TNFRSF13B: variants seen among roughly 807,000 people sequenced by gnomAD.
TNFRSF13B encodes the protein TNF receptor superfamily member 13B, also known as tumor necrosis factor receptor superfamily member 13B.
A neutral mutation model predicts 24.0 loss-of-function variants in TNFRSF13B; 34 were observed. That is an observed-to-expected ratio of 1.41 (90% CI 1.08 to 1.88). TNFRSF13B has a LOEUF of 1.88. Among genes scored for constraint, TNFRSF13B ranks in the 40% most tolerant of loss-of-function variants. TNFRSF13B has a pLI of 0.00. For synonymous variants in TNFRSF13B, 173 were observed against 150.3 expected, an observed-to-expected ratio of 1.15 and a Z score of -1.10; for missense variants, 415 against 380.8, an observed-to-expected ratio of 1.09 and a Z score of -0.75.
chr17:16,945,243 C>T (rs772616487), intron 3 of TNFRSF13B, among the ~76,000 whole-genome samples: 6 of 152,230 alleles, frequency 3.9e-5, no homozygotes, highest in Non-Finnish European at 8.8e-5. Flanking sequence ...CAGCCTTGGG[C>T]TCCATCCCTG....
chr17:16,952,431 G>A lies in TNFRSF13B; in HGVS notation c.199+15C>T, dbSNP rs1275049813. 6.2e-7 allele frequency: 1 copy of A among 1,614,014 alleles called. No individual in the cohort carries two copies. Reference sequence around the variant, plus strand: ...GTGATCACACTGTCCCCTCGGCTCAGGCCCCAGAACTCACTGCAGAAGGCT... The same window carrying A: ...GTGATCACACTGTCCCCTCGGCTCAAGCCCCAGAACTCACTGCAGAAGGCT... On this transcript the variant is annotated intron_variant, in intron 2 of 4. Transcript: ENST00000261652.
chr17:16,957,521 A>G (rs1263580451), intron 1 of TNFRSF13B, among the ~76,000 whole-genome samples: 2 of 152,098 alleles, frequency 1.3e-5, no homozygotes, highest in Non-Finnish European at 2.9e-5. Context: ...GATGCAGGAA[A>G]ACCTCAAAGA....
chr17:16,945,803 C>A (rs1276952492), intron 3 of TNFRSF13B, among the ~76,000 whole-genome samples: 1 of 152,174 alleles, frequency 6.6e-6, no homozygotes, highest in Non-Finnish European at 1.5e-5. Context: ...AGGTTTCCCC[C>A]CTCCCCCAGC....
At chr17:16,943,086 G>T (rs1567650569) in intron 3 of TNFRSF13B, among the ~76,000 whole-genome samples, 1 of 152,198 alleles carries the variant, frequency 6.6e-6, no homozygotes, top group Non-Finnish European at 1.5e-5. Flanking sequence ...TCAGAGTCAA[G>T]CCTCCAATGG....
chr17:16,961,649 A>G (rs1034871706), intron 1 of TNFRSF13B, among the ~76,000 whole-genome samples: 31 of 152,192 alleles, frequency 2.0e-4, no homozygotes, highest in Non-Finnish European at 1.5e-4. Context: ...GGATATAGAT[A>G]GTGGTGCTTG....
At chr17:16,946,242 C>T (rs1597659918) in intron 3 of TNFRSF13B, among the ~76,000 whole-genome samples, 1 of 152,326 alleles carries the variant, frequency 6.6e-6, no homozygotes, top group Non-Finnish European at 1.5e-5. Flanking sequence ...GGGACCTGGC[C>T]TCATGGAAAT....
intron 1 of TNFRSF13B, among the ~76,000 whole-genome samples, chr17:16,952,793 C>T (rs2087599314): frequency 6.6e-6 from 1 of 152,232 alleles, no homozygotes; most frequent in African/African-American, 2.4e-5. Context: ...GCCTCAGTTT[C>T]CCCATCTGCA....
At chr17:16,964,498 ACACCC>A (rs1462257204) in intron 1 of TNFRSF13B, among the ~76,000 whole-genome samples, 2 of 151,876 alleles carry the variant, frequency 1.3e-5, no homozygotes, top group Non-Finnish European at 2.9e-5. Flanking sequence ...GTGTGCCCCT[ACACCC>A]GGCTAATTTT....
intron 1 of TNFRSF13B, among the ~76,000 whole-genome samples, chr17:16,964,085 A>G (rs1337328948): frequency 6.6e-6 from 1 of 152,046 alleles, no homozygotes; most frequent in Non-Finnish European, 1.5e-5. Context: ...GGAGGAAAAG[A>G]AGGATGAGGA....
chr17:16,939,356 C>T lies in TNFRSF13B; in HGVS notation c.*191G>A, dbSNP rs2087488515. ...GTCTCTTTCCTTCTCTGCCTCTTTC[C>T]CTCTCTGCCTCTCTTCCCCTCTGTC... On this transcript the variant is annotated 3_prime_UTR_variant, in exon 5 of 5. Transcript: ENST00000261652. 1 of 638,674 alleles carries T rather than the reference C, an allele frequency of 1.6e-6. No homozygotes were observed. Among genetic ancestry groups the T allele is most frequent in the South Asian group, 2.7e-5 (1 of 37,640 alleles). The allele number at this position is 638,674 out of a possible 1,614,324, so 39.6% of individuals were successfully genotyped here. A position where few individuals can be genotyped will look rare whatever the true frequency, so the allele number is the denominator to read the frequency against.
chr17:16,970,654 G>T (rs1384538319), intron 1 of TNFRSF13B, among the ~76,000 whole-genome samples: 1 of 151,264 alleles, frequency 6.6e-6, no homozygotes, highest in Admixed American at 6.6e-5. Flanking sequence ...GCTCAGCCAA[G>T]GTCCCAGAGT....
Position 16,951,936 on chromosome 17 carries a change from A to G in TNFRSF13B, c.199+510T>C, listed in dbSNP as rs372316452. Among the ~76,000 whole-genome samples the G allele has an allele frequency of 5.0e-4, 76 of 152,282 alleles. 1 individual carries two copies. Among genetic ancestry groups the G allele is most frequent in the African/African-American group, 1.8e-3 (75 of 41,570 alleles). Reference sequence around the variant, plus strand: ...AAATAAAATAAATAAAATAAAATACACAAGTCAAAAAAATTGGTTGGGAAA... The same window carrying G: ...AAATAAAATAAATAAAATAAAATACGCAAGTCAAAAAAATTGGTTGGGAAA... On this transcript the variant is annotated intron_variant, in intron 2 of 4. Coordinates refer to ENST00000261652, the MANE Select transcript of TNFRSF13B (RefSeq NM_012452.3).
chr17:16,956,164 A>G (rs1192116546), intron 1 of TNFRSF13B, among the ~76,000 whole-genome samples: 5 of 152,256 alleles, frequency 3.3e-5, no homozygotes, highest in Non-Finnish European at 5.9e-5. Context: ...ACACACAACA[A>G]GGAATACATA....
At position 16,968,541 on chromosome 17, in the gene TNFRSF13B, C is replaced by T. The variant is rs900033321; in HGVS notation, c.61+3474G>A. 2.6e-5 allele frequency among the ~76,000 whole-genome samples: 4 copies of T among 152,276 alleles called. No individual in the cohort carries two copies. The East Asian group carries it at 5.8e-4, about 22-fold the overall frequency. ...AGAATGAATTTGGACCATTATCTCA[C>T]ACCACACACAAACATTAACTCAAAG... On this transcript the variant is annotated intron_variant, in intron 1 of 4. Coordinates refer to ENST00000261652, the MANE Select transcript of TNFRSF13B (RefSeq NM_012452.3).
rs149053915 is a variant in TNFRSF13B at position 16,963,544 on chromosome 17, T to C, written c.61+8471A>G. Among the ~76,000 whole-genome samples, 386 of 151,934 alleles carry C rather than the reference T, an allele frequency of 2.5e-3. 2 individuals are homozygous for C. The highest frequency in any genetic ancestry group is 9.1e-3 in the African/African-American group (374 of 41,254). ...TCTTATCAAGTTTTGTTTTTGTTTT[T>C]GTTTTTGTTTTTTTGGTTTTTTCGA... On this transcript the variant is annotated intron_variant, in intron 1 of 4. Coordinates refer to ENST00000261652, the MANE Select transcript of TNFRSF13B (RefSeq NM_012452.3).
chr17:16,940,729 A>G lies in TNFRSF13B; in HGVS notation c.446-218T>C, dbSNP rs946809602. ...TGGCAGCAACTTTCTAAGGCCTCAA[A>G]GCTGGAAACGTGAGCTAGGCCTTCT... On this transcript the variant is annotated intron_variant, in intron 3 of 4. Transcript: ENST00000261652. 2.1e-6 allele frequency: 3 copies of G among 1,441,528 alleles called. No individual in the cohort carries two copies. The African/African-American group carries it at 4.3e-5, about 21-fold the overall frequency. 89.3% of individuals were successfully genotyped at this position (1,441,528 alleles called of 1,614,324 possible).
chr17:16,940,516 A>C lies in TNFRSF13B; in HGVS notation c.446-5T>G, dbSNP rs769761979. 2.5e-6 allele frequency: 4 copies of C among 1,613,014 alleles called. No homozygotes were observed. The highest frequency in any genetic ancestry group is 3.4e-6 in the Non-Finnish European group (4 of 1,179,878). Reference sequence around the variant, plus strand: ...TCAGCTTCAGCCCCGGGAGAGCTGCAAGACAGCATGAGACCCCTCTCTGCA... The same window carrying C: ...TCAGCTTCAGCCCCGGGAGAGCTGCCAGACAGCATGAGACCCCTCTCTGCA... On this transcript the variant is annotated splice_region_variant and splice_polypyrimidine_tract_variant and intron_variant, in intron 3 of 4. Transcript: ENST00000261652.
Position 16,971,960 on chromosome 17 carries a change from C to T in TNFRSF13B, c.61+55G>A, listed in dbSNP as rs374799515. The stretch of plus-strand genomic sequence containing the variant: ...CTTGCAACCCCCACGGCACTCAGGC[C>T]CAACCCTCCTCACACCTCCCACCTG... On this transcript the variant is annotated intron_variant, in intron 1 of 4. Coordinates refer to ENST00000261652, the MANE Select transcript of TNFRSF13B (RefSeq NM_012452.3). 43 of 1,599,166 alleles carry T rather than the reference C, an allele frequency of 2.7e-5. No homozygotes were observed. The African/African-American group carries it at 5.3e-4, about 20-fold the overall frequency.
At chr17:16,941,235 A>G in intron 3 of TNFRSF13B, 1 of 987,722 alleles carries the variant, frequency 1.0e-6, no homozygotes, top group Non-Finnish European at 1.2e-6. Context: ...CATGGGTCGC[A>G]CGACACAGAG....
Sources: gnomAD v4.1 joint callset for allele counts (sites outside exome capture counted in the v4.1 genomes callset) on GRCh38, gnomAD v4.1.1 for gene constraint, MANE v1.5 for transcripts, NCBI Gene and HGNC (gene_info 2026-07-23, HGNC 2026-07-21) for gene names.